MCF2L: variants seen among roughly 807,000 people sequenced by gnomAD.
The protein encoded by MCF2L is guanine nucleotide exchange factor DBS.
In MCF2L, 97 loss-of-function variants were observed where a neutral mutation model predicts 153.4. The ratio of observed to expected loss-of-function variants is 0.63; its 90% CI spans 0.54 to 0.75. The LOEUF (loss-of-function observed/expected upper bound fraction) is 0.75, where lower values mean the gene tolerates loss of function less well. Ranked by LOEUF, MCF2L falls within the 30% of genes least tolerant of loss-of-function variation. The pLI is 0.00. For missense variants in MCF2L, 1,347 were observed against 1,495.2 expected (o/e 0.90, Z 1.64); for synonymous variants, 659 against 632.2 (o/e 1.04, Z -0.64).
chr13:112,968,142 T>TTGG (rs1555355444), upstream of MCF2L, among the ~76,000 whole-genome samples: 3 of 59,450 alleles, frequency 5.0e-5, 1 homozygote, highest in Non-Finnish European at 3.7e-5. Flanking sequence ...GGGAGTGAGG[T>TTGG]GGGGGGGGGG....
chr13:112,933,215 G>T (rs1237961780), intron 2 of MCF2L, among the ~76,000 whole-genome samples: 1 of 152,180 alleles, frequency 6.6e-6, no homozygotes, highest in East Asian at 1.9e-4. Context: ...TGATCCAATG[G>T]GACTTTCAGA....
Position 113,066,159 on chromosome 13 carries a change from C to T in MCF2L, c.870C>T (p.Ala290=). ...ACCAGGACCAGCTTGACAACCAGGC[C>T]ACCGTGCAGAGGTGAGGCCCGGCTG... ...SVNQDQLDNQ[A]TVQRLLAQLN... The change falls in exon 8 of 30, where the codon GCC becomes GCT. Residue 290 remains alanine (A), a synonymous_variant. Transcript: ENST00000535094. 1 of 1,612,144 alleles carries T rather than the reference C, an allele frequency of 6.2e-7. No individual in the cohort carries two copies. Among genetic ancestry groups the T allele is most frequent in the Non-Finnish European group, 8.5e-7 (1 of 1,179,606 alleles).
intron 1 of MCF2L, among the ~76,000 whole-genome samples, chr13:112,972,689 G>C (rs1438794460): frequency 1.5e-5 from 2 of 134,034 alleles, no homozygotes; most frequent in African/African-American, 5.7e-5. Context: ...AGATGGAGGG[G>C]TAGGTGGATG....
Position 113,070,234 on chromosome 13 carries a change from C to T in MCF2L, c.996+61C>T, listed in dbSNP as rs554989388. 1.5e-4 allele frequency: 180 copies of T among 1,181,516 alleles called. 2 individuals are homozygous for T. In the South Asian group the frequency reaches 2.4e-3, roughly 16 times the overall value. The allele number at this position is 1,181,516 out of a possible 1,614,324, so 73.2% of individuals were successfully genotyped here. A position where few individuals can be genotyped will look rare whatever the true frequency, so the allele number is the denominator to read the frequency against. ...ATGCTCACGGGGCCTCCTGTGCCTG[C>T]GCCCTGGTCCCAGTGCCGGGAGCTG... On this transcript the variant is annotated intron_variant, in intron 9 of 29. Transcript: ENST00000535094. This position sits in a 1 kb window ranked among gnomAD's most constrained non-coding sequence, Gnocchi z 5.6.
intron 2 of MCF2L, among the ~76,000 whole-genome samples, chr13:112,903,597 G>C (rs533739828): frequency 1.3e-5 from 2 of 152,328 alleles, no homozygotes; most frequent in Non-Finnish European, 2.9e-5. Flanking sequence ...CAGGCTGTTG[G>C]TTTAGAGCTG....
At chr13:112,914,321 C>T (rs2081267585) in intron 2 of MCF2L, among the ~76,000 whole-genome samples, 1 of 152,248 alleles carries the variant, frequency 6.6e-6, no homozygotes, top group Admixed American at 6.5e-5. Flanking sequence ...TCTCCCCTCG[C>T]TCTGTCTTCG....
At chr13:112,917,228 G>C in intron 2 of MCF2L, 1 of 468,024 alleles carries the variant, frequency 2.1e-6, no homozygotes, top group Non-Finnish European at 4.4e-6. Context: ...CCTCCGCAGA[G>C]CCTCCACCCG....
Position 113,078,668 on chromosome 13 carries a change from TGAGATGAGTGAGAGCCGGCAGGGCCGC to T in MCF2L, c.1739_1765del (p.Glu580_Arg588del), listed in dbSNP as rs2033777824. 1 of 1,611,440 alleles carries T rather than the reference TGAGATGAGTGAGAGCCGGCAGGGCCGC, an allele frequency of 6.2e-7. No homozygotes were observed. The highest frequency in any genetic ancestry group is 8.5e-7 in the Non-Finnish European group (1 of 1,179,526). On this transcript the variant is annotated inframe_deletion, in exon 15 of 30. Transcript: ENST00000535094. ...CCTGACGCTGTTTTTCTCCCCAGAG[TGAGATGAGTGAGAGCCGGCAGGGCCGC>T]GGCTCAGCGGGGGAGGAGGAGGAAA...
In MCF2L at chr13:112,983,446, G is replaced by C. The variant is rs919414491; in HGVS notation, c.79+13988G>C. Among the ~76,000 whole-genome samples the C allele has an allele frequency of 6.6e-6, 1 of 152,226 alleles. No individual in the cohort carries two copies. The highest frequency in any genetic ancestry group is 2.4e-5 in the African/African-American group (1 of 41,464). On this transcript the variant is annotated intron_variant, in intron 1 of 29. Coordinates refer to ENST00000535094, the MANE Select transcript of MCF2L (RefSeq NM_001112732.3). The surrounding 1 kb of genome is among the most constrained non-coding windows in gnomAD (Gnocchi z 4.0). ...CGGCAGGTGGCCTTCTCCAGGCATTGCCCTGCACCTCGAGGGGCAGCGGGG... is the reference window on the plus strand; with the variant it reads ...CGGCAGGTGGCCTTCTCCAGGCATTCCCCTGCACCTCGAGGGGCAGCGGGG...
At chr13:113,006,605 G>T (rs2083712992) in intron 1 of MCF2L, among the ~76,000 whole-genome samples, 1 of 152,244 alleles carries the variant, frequency 6.6e-6, no homozygotes, top group South Asian at 2.1e-4. Flanking sequence ...GGCGCTGGCA[G>T]GCAGTGGCTG....
rs1236546431 is a variant in MCF2L, at chr13:113,031,695, TG to T, written c.278+6938del. On this transcript the variant is annotated intron_variant, in intron 3 of 29. Coordinates refer to ENST00000535094, the MANE Select transcript of MCF2L (RefSeq NM_001112732.3). This position sits in a 1 kb window ranked among gnomAD's most constrained non-coding sequence, Gnocchi z 5.5. ...GAGGAGCAGTGTGGAAGGAATTCAC[TG>T]AAGCTGATGATGACGCTTACTTTCC... 3.3e-5 allele frequency among the ~76,000 whole-genome samples: 5 copies of T among 152,006 alleles called. No individual in the cohort carries two copies. The highest frequency in any genetic ancestry group is 5.9e-5 in the Non-Finnish European group (4 of 67,996).
At chr13:112,914,722 C>G (rs1180186135) in intron 2 of MCF2L, among the ~76,000 whole-genome samples, 5 of 152,044 alleles carry the variant, frequency 3.3e-5, no homozygotes, top group African/African-American at 1.2e-4. Context: ...TGAACTGCTT[C>G]TCATTTATGT....
intron 2 of MCF2L, among the ~76,000 whole-genome samples, chr13:112,923,510 T>C (rs1290575601): frequency 6.6e-6 from 1 of 152,094 alleles, no homozygotes; most frequent in African/African-American, 2.4e-5. Flanking sequence ...GTGATCTACC[T>C]GCCTCGGCCT....
chr13:113,066,074 G>T lies in MCF2L; in HGVS notation c.785G>T (p.Gly262Val), dbSNP rs750222460. The change falls in exon 8 of 30, where the codon GGG becomes GTG. Residue 262 changes from glycine (G) to valine (V), a missense_variant. By Grantham distance (109) the Gly-to-Val change is moderately radical. Coordinates refer to ENST00000535094, the MANE Select transcript of MCF2L (RefSeq NM_001112732.3). ...KEDLRLALKE[G>V]HSVLESLREL... ...GATTTGAGGCTGGCACTGAAAGAGG[G>T]GCACAGTGTCCTGGAGAGCCTCAGG... 1 of 1,613,266 alleles carries T rather than the reference G, an allele frequency of 6.2e-7. No individual in the cohort carries two copies. Among genetic ancestry groups the T allele is most frequent in the Non-Finnish European group, 8.5e-7 (1 of 1,179,900 alleles).
At chr13:112,957,782 G>T (rs543373692) in intron 2 of MCF2L, 110 of 152,270 alleles carry the variant, frequency 7.2e-4, no homozygotes, top group African/African-American at 2.6e-3. Flanking sequence ...GTATCCTAAT[G>T]TGGGAATTCT....
intron 4 of MCF2L, chr13:113,052,784 CACACAGACATAG>C (rs2141634095): frequency 6.6e-6 from 1 of 152,030 alleles, no homozygotes; most frequent in Admixed American, 6.5e-5. Context: ...TGTACAAAAA[CACACAGACATAG>C]ACACAGACAT....
At chr13:112,979,761 G>A in intron 1 of MCF2L, 1 of 1,610,510 alleles carries the variant, frequency 6.2e-7, no homozygotes. Context: ...GAGGCCAGGT[G>A]AGATACAATG....
At chr13:112,967,136 G>A (rs1388874740), upstream of MCF2L, among the ~76,000 whole-genome samples, 3 of 143,700 alleles carry the variant, frequency 2.1e-5, no homozygotes, top group African/African-American at 7.7e-5. Context: ...GGACCCTTCT[G>A]CCTGATGACA....
At position 113,085,146 on chromosome 13, in the gene MCF2L, C is replaced by T. The variant is rs1454844396; in HGVS notation, c.2215C>T (p.Gln739Ter). 6.2e-7 allele frequency: 1 copy of T among 1,613,514 alleles called. No homozygotes were observed. Among genetic ancestry groups the T allele is most frequent in the Non-Finnish European group, 8.5e-7 (1 of 1,180,030 alleles). The part of the protein sequence containing the change: ...SLDSYLLKPV[Q>*]RITKYQLLLK... ...GGACTCCTACCTGCTGAAGCCAGTG[C>T]AGAGGATCACCAAGTACCAGCTGCT... Residue 739 changes from glutamine (Q) to a stop codon, truncating the protein, a stop_gained, in exon 20 of 30, where the codon CAG becomes TAG. Coordinates refer to ENST00000535094, the MANE Select transcript of MCF2L (RefSeq NM_001112732.3). LOFTEE classifies it high-confidence loss of function.
Sources: allele counts gnomAD v4.1 joint callset (sites outside exome capture counted in the v4.1 genomes callset), GRCh38; gene constraint gnomAD v4.1.1; non-coding constraint Gnocchi (gnomAD v3.1); transcripts MANE v1.5; gene names NCBI Gene and HGNC (gene_info 2026-07-23, HGNC 2026-07-21).